The following RIT2 variants were observed in gnomAD, a reference collection of about 807,000 sequenced individuals.
RIT2 encodes Ras like without CAAX 2, also known as GTP-binding protein Rit2.
A neutral mutation model predicts 23.7 loss-of-function variants in RIT2; 24 were observed. The ratio of observed to expected loss-of-function variants is 1.01; its 90% confidence interval spans 0.73 to 1.43. The LOEUF (loss-of-function observed/expected upper bound fraction) is 1.43. RIT2 is among the 40% of genes most tolerant of loss of function. The pLI, the probability that RIT2 is intolerant of heterozygous loss-of-function variation, is 0.00. For synonymous variants in RIT2, 107 were observed against 91.1 expected, an observed-to-expected ratio of 1.17 and a Z score of -0.99; for missense variants, 236 against 266.9, an observed-to-expected ratio of 0.88 and a Z score of 0.81.
At chr18:43,083,613 A>G (rs181488473) in intron 1 of RIT2, among the ~76,000 whole-genome samples, 159 of 152,258 alleles carry the variant, frequency 1.0e-3, no homozygotes, top group Admixed American at 2.2e-3. Flanking sequence ...AAACCTGACA[A>G]AAACAAACAA....
chr18:42,942,574 G>A (rs1909629947), intron 3 of RIT2, among the ~76,000 whole-genome samples: 1 of 152,088 alleles, frequency 6.6e-6, no homozygotes, highest in African/African-American at 2.4e-5. Flanking sequence ...CGTGGAGTTT[G>A]CACATTCTCC....
intron 4 of RIT2, among the ~76,000 whole-genome samples, chr18:42,815,835 C>A (rs975480123): frequency 5.3e-5 from 8 of 152,048 alleles, no homozygotes; most frequent in African/African-American, 1.9e-4. Context: ...ATCAGGGATA[C>A]AATAGTAACT....
chr18:42,959,239 C>G (rs1477086877), intron 3 of RIT2, among the ~76,000 whole-genome samples: 2 of 152,224 alleles, frequency 1.3e-5, no homozygotes, highest in Admixed American at 6.5e-5. Flanking sequence ...AATTTGAAGT[C>G]TTATTATTTG....
chr18:42,966,258 G>A (rs1910221871), intron 3 of RIT2, among the ~76,000 whole-genome samples: 1 of 152,104 alleles, frequency 6.6e-6, no homozygotes, highest in Non-Finnish European at 1.5e-5. Context: ...TTCTTTCATT[G>A]TCCAACACAA....
At chr18:43,109,880 G>C (rs1913913465) in intron 1 of RIT2, among the ~76,000 whole-genome samples, 1 of 152,160 alleles carries the variant, frequency 6.6e-6, no homozygotes, top group African/African-American at 2.4e-5. Context: ...CTAGGGACCA[G>C]AGAAGGACAT....
chr18:42,878,975 A>G (rs1283293568), intron 4 of RIT2, among the ~76,000 whole-genome samples: 1 of 151,990 alleles, frequency 6.6e-6, no homozygotes. Flanking sequence ...AGGGTTTACA[A>G]CTATTTTGGT....
chr18:42,935,705 G>C (rs948608933), intron 3 of RIT2, among the ~76,000 whole-genome samples: 3 of 152,102 alleles, frequency 2.0e-5, no homozygotes, highest in Non-Finnish European at 4.4e-5. Flanking sequence ...ACAAAGAATT[G>C]AACAAAGTGC....
intron 4 of RIT2, among the ~76,000 whole-genome samples, chr18:42,814,036 AG>A (rs57323602): frequency 0.035 from 5,281 of 152,256 alleles, 309 homozygotes; most frequent in African/African-American, 0.12. Context: ...AGTGAAATAC[AG>A]GGGTAGAGGA....
intron 1 of RIT2, among the ~76,000 whole-genome samples, chr18:43,080,606 T>C (rs1229836096): frequency 1.3e-5 from 2 of 152,192 alleles, no homozygotes; most frequent in Non-Finnish European, 2.9e-5. Flanking sequence ...TGTTTTTACA[T>C]TTAGGCTTGA....
chr18:42,923,418 C>A, intron 4 of RIT2, 154 bp downstream of exon 4: 1 of 723,174 alleles, frequency 1.4e-6, no homozygotes. Flanking sequence ...GAGGCCAACA[C>A]AATTTACCAT....
intron 3 of RIT2, among the ~76,000 whole-genome samples, chr18:42,955,608 T>C (rs974706087): frequency 1.3e-5 from 2 of 152,182 alleles, no homozygotes; most frequent in African/African-American, 4.8e-5. Context: ...TATTCTCTGG[T>C]TATATGCCTG....
intron 3 of RIT2, among the ~76,000 whole-genome samples, chr18:42,949,249 C>T (rs184676775): frequency 2.6e-5 from 4 of 152,112 alleles, no homozygotes; most frequent in East Asian, 1.9e-4. Context: ...GTGAGGATGA[C>T]GGGGAACTCT....
chr18:42,770,734 T>G (rs978716550), intron 4 of RIT2, among the ~76,000 whole-genome samples: 1 of 151,936 alleles, frequency 6.6e-6, no homozygotes, highest in Non-Finnish European at 1.5e-5. Context: ...AAAATATATT[T>G]CAGTTATGTC....
At chr18:42,962,871 C>T (rs1292185102) in intron 3 of RIT2, among the ~76,000 whole-genome samples, 1 of 152,106 alleles carries the variant, frequency 6.6e-6, no homozygotes, top group Non-Finnish European at 1.5e-5. Flanking sequence ...GCAGGACAAT[C>T]CTATATAAAG....
intron 4 of RIT2, among the ~76,000 whole-genome samples, chr18:42,818,458 C>A (rs1035347409): frequency 6.6e-6 from 1 of 151,938 alleles, no homozygotes; most frequent in Non-Finnish European, 1.5e-5. Context: ...CAGTGCTAAC[C>A]CTTTCTATAT....
In RIT2 at chr18:42,860,600, G is replaced by A. The variant is rs1263243376; in HGVS notation, c.426+62972C>T. Among the ~76,000 whole-genome samples the A allele has an allele frequency of 2.6e-5, 4 of 152,180 alleles. No individual in the cohort carries two copies. The South Asian group carries it at 8.3e-4, about 32-fold the overall frequency. On this transcript the variant is annotated intron_variant, in intron 4 of 4. Transcript: ENST00000326695. ...TTCTTTTGATCTCCAATTAGGAAGA[G>A]GATGGGGAGAATAGACTGAGAATAC...
intron 4 of RIT2, among the ~76,000 whole-genome samples, chr18:42,863,414 T>G (rs2144052471): frequency 6.6e-6 from 1 of 152,284 alleles, no homozygotes; most frequent in Non-Finnish European, 1.5e-5. Flanking sequence ...ACCATTATTC[T>G]TCCGTTAAAT....
In RIT2 at chr18:42,998,404, T is replaced by A. The variant is rs1292217976; in HGVS notation, c.161-24257A>T. On this transcript the variant is annotated intron_variant, in intron 2 of 4. Coordinates refer to ENST00000326695, the MANE Select transcript of RIT2 (RefSeq NM_002930.4). ...CCCATTTTAGTTTTGGCTATTCTGT[T>A]TGTGGAACATAACCCTCTACTCTCT... is the stretch of plus-strand genomic sequence containing the variant. 2.0e-5 allele frequency among the ~76,000 whole-genome samples: 3 copies of A among 152,170 alleles called. No individual in the cohort carries two copies. In the East Asian group the frequency reaches 5.8e-4, roughly 29 times the overall value.
chr18:42,826,552 A>G (rs1906303332), intron 4 of RIT2, among the ~76,000 whole-genome samples: 1 of 152,128 alleles, frequency 6.6e-6, no homozygotes, highest in Admixed American at 6.5e-5. Flanking sequence ...TTTAATGTTT[A>G]CATATTAGAA....
Sources: gnomAD v4.1 joint callset for allele counts (sites outside exome capture counted in the v4.1 genomes callset) on GRCh38, gnomAD v4.1.1 for gene constraint, MANE v1.5 for transcripts, NCBI Gene and HGNC (gene_info 2026-07-23, HGNC 2026-07-21) for gene names.